SOD2: variants seen among roughly 807,000 people sequenced by gnomAD.
SOD2 encodes superoxide dismutase [Mn], mitochondrial.
SOD2 carries 11 observed loss-of-function variants against 27.0 expected under a neutral mutation model. That is an observed-to-expected ratio of 0.41 (90% CI 0.26 to 0.67). The LOEUF (loss-of-function observed/expected upper bound fraction) is 0.67, where lower values mean the gene tolerates loss of function less well. Ranked by LOEUF, SOD2 falls within the 30% of genes least tolerant of loss-of-function variation. SOD2 has a pLI of 0.34. For synonymous variants in SOD2, 105 were observed against 103.0 expected (o/e 1.02, Z -0.12); for missense variants, 250 against 274.5 (o/e 0.91, Z 0.63).
Position 159,692,733 on chromosome 6 carries a change from T to G in SOD2, c.154A>C (p.Ser52Arg). ...TTCACGTAGGCCGCGTGGTGCTTGC[T>G]GTGGTGCAGCTGCATGATCTGCGCG... ...INAQIMQLHH[S>R]KHHAAYVNNL... The change falls in exon 2 of 5, where the codon AGC becomes CGC. Residue 52 changes from serine (S) to arginine (R), a missense_variant. Ser to Arg is a moderately radical substitution (Grantham distance 110). Coordinates refer to ENST00000538183, the MANE Select transcript of SOD2 (RefSeq NM_000636.4). The G allele has an allele frequency of 6.2e-7, 1 of 1,614,104 alleles. No homozygotes were observed. The highest frequency in any genetic ancestry group is 8.5e-7 in the Non-Finnish European group (1 of 1,180,018).
intron 1 of SOD2, among the ~76,000 whole-genome samples, chr6:159,704,698 G>T (rs1052888950): frequency 6.6e-6 from 1 of 152,222 alleles, no homozygotes; most frequent in Non-Finnish European, 1.5e-5. Flanking sequence ...CACCTCTGGG[G>T]GCAGGGCATA....
At chr6:159,747,196 T>C (rs1344196072), upstream of SOD2, among the ~76,000 whole-genome samples, 1 of 152,214 alleles carries the variant, frequency 6.6e-6, no homozygotes, top group East Asian at 1.9e-4. Flanking sequence ...ATGATGAATT[T>C]AATGCTAATA....
upstream of SOD2, among the ~76,000 whole-genome samples, chr6:159,693,647 T>C (rs1777350770): frequency 6.6e-6 from 1 of 152,156 alleles, no homozygotes; most frequent in Non-Finnish European, 1.5e-5. Flanking sequence ...GAGTTTTGGT[T>C]GCGCTGCCGG....
exon 1 of SOD2, chr6:159,761,683 G>A (rs1056420455): frequency 3.7e-5 from 15 of 403,888 alleles, no homozygotes; most frequent in Middle Eastern, 7.1e-4. Flanking sequence ...TTACTGTTTC[G>A]AGAAACCCTA....
chr6:159,736,139 A>G (rs927805941), intron 1 of SOD2: 5 of 1,015,500 alleles, frequency 4.9e-6, no homozygotes, highest in African/African-American at 3.3e-5. Flanking sequence ...TTTAAATTCT[A>G]ATTATTCAAC....
upstream of SOD2, among the ~76,000 whole-genome samples, chr6:159,747,881 A>T (rs1583100983): frequency 1.1e-5 from 1 of 87,916 alleles, no homozygotes; most frequent in Admixed American, 1.5e-4. Context: ...TTCCTAAGTG[A>T]GTAACCTTAA....
intron 1 of SOD2, among the ~76,000 whole-genome samples, chr6:159,703,498 G>A (rs764863458): frequency 1.3e-5 from 2 of 151,644 alleles, no homozygotes; most frequent in African/African-American, 2.4e-5. Context: ...CAAAGCCTCA[G>A]AATTCCATAC....
upstream of SOD2, chr6:159,727,463 G>T: frequency 1.0e-6 from 1 of 1,000,000 alleles, no homozygotes; most frequent in South Asian, 4.0e-5. Flanking sequence ...GGGCGGAGCG[G>T]AGCCGTGCGG....
chr6:159,727,875 T>G (rs1778303157), upstream of SOD2, among the ~76,000 whole-genome samples: 1 of 152,214 alleles, frequency 6.6e-6, no homozygotes. Context: ...CGGGGAACAC[T>G]TCCGCCGCTT....
chr6:159,751,943 C>T (rs909099224), intron 1 of SOD2, among the ~76,000 whole-genome samples: 4 of 151,828 alleles, frequency 2.6e-5, no homozygotes, highest in Non-Finnish European at 5.9e-5. Flanking sequence ...CACCTATAGT[C>T]CCCAGGTACT....
At chr6:159,752,992 C>T (rs1293941494) in intron 1 of SOD2, among the ~76,000 whole-genome samples, 3 of 152,184 alleles carry the variant, frequency 2.0e-5, no homozygotes, top group African/African-American at 7.2e-5. Context: ...GTTTTTCTAG[C>T]AAGAATAAAT....
At chr6:159,753,742 G>C in intron 1 of SOD2, 1 of 1,188,224 alleles carries the variant, frequency 8.4e-7, no homozygotes, top group Non-Finnish European at 1.1e-6. Flanking sequence ...GTATATTATT[G>C]TGAGTGAAGC....
In SOD2 at chr6:159,680,991, T is replaced by C. The variant is rs1779932277; in HGVS notation, c.*1502A>G. The C allele has an allele frequency of 6.9e-6, 1 of 144,992 alleles. No individual in the cohort carries two copies. The highest frequency in any genetic ancestry group is 2.5e-5 in the African/African-American group (1 of 39,582). The allele number at this position is 144,992 out of a possible 1,614,324, so 9.0% of individuals were successfully genotyped here. The stretch of plus-strand genomic sequence containing the variant: ...ATAAAGAAAATATTCCAATAGGAGA[T>C]AAACCTATGTACACAGAGTTGCTCA... On this transcript the variant is annotated 3_prime_UTR_variant, in exon 5 of 5. Transcript: ENST00000538183.
At chr6:159,738,972 T>C (rs376554744) in intron 1 of SOD2, 155 of 1,596,570 alleles carry the variant, frequency 9.7e-5, no homozygotes, top group Non-Finnish European at 1.3e-4. Context: ...TAAATTCATA[T>C]TGTAATTCTC....
chr6:159,702,938 A>T (rs1777553379), intron 1 of SOD2, among the ~76,000 whole-genome samples: 2 of 150,998 alleles, frequency 1.3e-5, no homozygotes, highest in South Asian at 4.2e-4. Flanking sequence ...GGACTGCTTA[A>T]TCCCAGGGGT....
chr6:159,749,858 G>A (rs917838059), upstream of SOD2, among the ~76,000 whole-genome samples: 5 of 152,068 alleles, frequency 3.3e-5, no homozygotes, highest in South Asian at 2.1e-4. Flanking sequence ...AATTTTTTCC[G>A]TCAGATCATT....
At chr6:159,701,201 A>G (rs918604239) in intron 1 of SOD2, among the ~76,000 whole-genome samples, 6 of 152,136 alleles carry the variant, frequency 3.9e-5, no homozygotes, top group Non-Finnish European at 7.3e-5. Context: ...AGAAGGCAAG[A>G]CGCTAGAGAA....
chr6:159,708,945 C>A (rs1362352487), intron 1 of SOD2, among the ~76,000 whole-genome samples: 3 of 150,840 alleles, frequency 2.0e-5, no homozygotes, highest in African/African-American at 7.5e-5. Context: ...AGAACAGAGC[C>A]CTCAGAAATA....
chr6:159,731,294 C>T (rs962898444), upstream of SOD2, among the ~76,000 whole-genome samples: 1 of 151,130 alleles, frequency 6.6e-6, no homozygotes, highest in African/African-American at 2.4e-5. Context: ...GACCTCATCT[C>T]TACTACCAAG....
Sources: gnomAD v4.1 joint callset for allele counts (sites outside exome capture counted in the v4.1 genomes callset) on GRCh38, gnomAD v4.1.1 for gene constraint, MANE v1.5 for transcripts, NCBI Gene and HGNC (gene_info 2026-07-23, HGNC 2026-07-21) for gene names.